Variants in TRERF1 observed in about 807,000 individuals in gnomAD.
TRERF1 encodes transcriptional regulating factor 1.
TRERF1 carries 27 observed loss-of-function variants against 122.9 expected under a neutral mutation model. The ratio of observed to expected loss-of-function variants is 0.22; its 90% CI spans 0.16 to 0.30. The LOEUF is 0.30. Ranked by LOEUF, TRERF1 falls within the 10% of genes least tolerant of loss-of-function variation. TRERF1 has a pLI of 1.00. For synonymous variants in TRERF1, 636 were observed against 641.7 expected (o/e 0.99, Z 0.13); for missense variants, 1,248 against 1,560.3 (o/e 0.80, Z 3.37).
Position 42,450,802 on chromosome 6 carries a change from G to A in TRERF1, c.-454+375C>T, listed in dbSNP as rs184218498. ...GGAGTACCCAGCCCCCACAGAGCCCGCAGGCGCGTATACATACACATATGT... is the reference window on the plus strand; with the variant it reads ...GGAGTACCCAGCCCCCACAGAGCCCACAGGCGCGTATACATACACATATGT... On this transcript the variant is annotated intron_variant, in intron 2 of 17. Transcript: ENST00000372922. 6.3e-3 allele frequency among the ~76,000 whole-genome samples: 957 copies of A among 152,314 alleles called. 8 individuals are homozygous for A. Among genetic ancestry groups the A allele is most frequent in the Middle Eastern group, 0.014 (4 of 292 alleles).
At position 42,283,178 on chromosome 6, in the gene TRERF1, C is replaced by T. The variant is rs539496893; in HGVS notation, c.-258-13330G>A. ...CCATACTAAATACACCAAAAAAGCA[C>T]ACTTGTGTCCAGCAGGAGAGCTGAA... is the stretch of plus-strand genomic sequence containing the variant. On this transcript the variant is annotated intron_variant, in intron 4 of 17. Coordinates refer to ENST00000372922, the Ensembl canonical transcript of TRERF1. 2.8e-3 allele frequency among the ~76,000 whole-genome samples: 422 copies of T among 152,254 alleles called. 2 individuals carry two copies. Among genetic ancestry groups the T allele is most frequent in the African/African-American group, 9.7e-3 (405 of 41,546 alleles).
At chr6:42,233,346 T>A (rs1181111403) in intron 16 of TRERF1, among the ~76,000 whole-genome samples, 1 of 147,742 alleles carries the variant, frequency 6.8e-6, no homozygotes, top group Non-Finnish European at 1.5e-5. Context: ...AGTGTGGTGG[T>A]GCGGTCTCAG....
chr6:42,433,044 T>G (rs1396021957), intron 2 of TRERF1, among the ~76,000 whole-genome samples: 1 of 152,106 alleles, frequency 6.6e-6, no homozygotes, highest in Non-Finnish European at 1.5e-5. Context: ...AATAACATTT[T>G]GAAGGTGTGG....
Position 42,263,622 on chromosome 6 carries a change from G to A in TRERF1, c.1636-54C>T. 1 of 1,422,924 alleles carries A rather than the reference G, an allele frequency of 7.0e-7. No homozygotes were observed. Among genetic ancestry groups the A allele is most frequent in the Non-Finnish European group, 9.2e-7 (1 of 1,082,290 alleles). 88.1% of individuals were successfully genotyped at this position (1,422,924 alleles called of 1,614,324 possible). ...GGGCTGAGAGCAGCTCTCACAAGGG[G>A]GATGCACTTTGCTTTTCCCGAAAGG... On this transcript the variant is annotated intron_variant, in intron 7 of 17. Transcript: ENST00000372922. This position sits in a 1 kb window ranked among gnomAD's most constrained non-coding sequence, Gnocchi z 5.6.
At position 42,263,191 on chromosome 6, in the gene TRERF1, G is replaced by A. The variant is rs1778541467; in HGVS notation, c.1884+129C>T. On this transcript the variant is annotated intron_variant, in intron 8 of 17. Transcript: ENST00000372922. The surrounding 1 kb of genome is among the most constrained non-coding windows in gnomAD (Gnocchi z 5.6). ...AAGCTCAGGTCAGTGACTCTGGAAG[G>A]GCCGCCCCATCTCCAAGAAAGCAAA... 6.9e-7 allele frequency: 1 copy of A among 1,452,020 alleles called. No homozygotes were observed. Among genetic ancestry groups the A allele is most frequent in the Admixed American group, 2.4e-5 (1 of 41,336 alleles). 89.9% of individuals were successfully genotyped at this position (1,452,020 alleles called of 1,614,324 possible). A position where few individuals can be genotyped will look rare whatever the true frequency, so the allele number is the denominator to read the frequency against.
At chr6:42,389,417 G>A (rs1035969868) in intron 2 of TRERF1, among the ~76,000 whole-genome samples, 10 of 152,240 alleles carry the variant, frequency 6.6e-5, no homozygotes, top group Non-Finnish European at 1.0e-4. Flanking sequence ...GACGCAGGCT[G>A]TGACAAGAGT....
intron 2 of TRERF1, among the ~76,000 whole-genome samples, chr6:42,397,875 G>A (rs1234085800): frequency 6.6e-6 from 1 of 152,214 alleles, no homozygotes. Context: ...TGGCACTGTG[G>A]AGGGGTCCTC....
intron 2 of TRERF1, among the ~76,000 whole-genome samples, chr6:42,371,618 T>C (rs9471847): frequency 0.12 from 18,386 of 152,034 alleles, 1,880 homozygotes; most frequent in African/African-American, 0.28. Flanking sequence ...TTAAAGAACT[T>C]TGAGACTTCA....
At chr6:42,231,047 T>C (rs1391380981) in intron 17 of TRERF1, among the ~76,000 whole-genome samples, 1 of 152,210 alleles carries the variant, frequency 6.6e-6, no homozygotes, top group Admixed American at 6.5e-5. Flanking sequence ...GTTGAATGTG[T>C]CCCCCAAACA....
intron 2 of TRERF1, among the ~76,000 whole-genome samples, chr6:42,367,571 C>G (rs138333798): frequency 2.6e-5 from 4 of 152,158 alleles, no homozygotes; most frequent in Non-Finnish European, 5.9e-5. Flanking sequence ...ACACTCCCAC[C>G]GCACCAAGAT....
chr6:42,442,692 G>A (rs1223264746), intron 2 of TRERF1, among the ~76,000 whole-genome samples: 3 of 152,230 alleles, frequency 2.0e-5, no homozygotes, highest in Non-Finnish European at 4.4e-5. Context: ...TAAATCATCT[G>A]AGTATTTCCA....
At chr6:42,397,548 C>A (rs536839650) in intron 2 of TRERF1, among the ~76,000 whole-genome samples, 58 of 152,330 alleles carry the variant, frequency 3.8e-4, no homozygotes, top group Non-Finnish European at 5.4e-4. Context: ...ATGCCCAATG[C>A]CTTTGCCCCA....
At chr6:42,257,203 T>C (rs758004467) in intron 10 of TRERF1, 101 bp from the exon 11 acceptor site, 122 of 1,414,612 alleles carry the variant, frequency 8.6e-5, no homozygotes, top group Non-Finnish European at 8.5e-5. Context: ...ACTAGTTCTT[T>C]CTGCAAGAAT....
chr6:42,313,864 C>T (rs1316401456), intron 3 of TRERF1, among the ~76,000 whole-genome samples: 1 of 152,170 alleles, frequency 6.6e-6, no homozygotes, highest in East Asian at 1.9e-4. Context: ...TGCAGACTCA[C>T]TTCTACGTTG....
intron 4 of TRERF1, among the ~76,000 whole-genome samples, chr6:42,273,287 C>A (rs1780580620): frequency 6.6e-6 from 1 of 152,052 alleles, no homozygotes; most frequent in Non-Finnish European, 1.5e-5. Flanking sequence ...TCTATTTTTA[C>A]CTAGGAGTCT....
chr6:42,437,617 G>T (rs1465360914), intron 2 of TRERF1, among the ~76,000 whole-genome samples: 1 of 152,144 alleles, frequency 6.6e-6, no homozygotes, highest in East Asian at 1.9e-4. Flanking sequence ...TCATATTTTT[G>T]AAGGAAACTC....
Position 42,232,543 on chromosome 6 carries a change from C to T in TRERF1, c.3278+138G>A, listed in dbSNP as rs550237483. On this transcript the variant is annotated intron_variant, in intron 17 of 17. Coordinates refer to ENST00000372922, the Ensembl canonical transcript of TRERF1. This position sits in a 1 kb window ranked among gnomAD's most constrained non-coding sequence, Gnocchi z 4.5. ...CTGCAACAGGACTACATACCCATCCCAAAGATGACACGAAGAAGAGTTTTG... is the reference window on the plus strand; with the variant it reads ...CTGCAACAGGACTACATACCCATCCTAAAGATGACACGAAGAAGAGTTTTG... 14 of 1,163,516 alleles carry T rather than the reference C, an allele frequency of 1.2e-5. No individual in the cohort carries two copies. The South Asian group carries it at 2.2e-4, about 19-fold the overall frequency. The allele number at this position is 1,163,516 out of a possible 1,614,324, so 72.1% of individuals were successfully genotyped here. A position where few individuals can be genotyped will look rare whatever the true frequency, so the allele number is the denominator to read the frequency against.
chr6:42,378,359 G>C (rs916586196), intron 2 of TRERF1, among the ~76,000 whole-genome samples: 2 of 150,578 alleles, frequency 1.3e-5, no homozygotes, highest in East Asian at 3.9e-4. Flanking sequence ...TCTTGTGATT[G>C]CTTATAGGTT....
At chr6:42,427,910 G>A (rs1314083955) in intron 2 of TRERF1, among the ~76,000 whole-genome samples, 1 of 152,132 alleles carries the variant, frequency 6.6e-6, no homozygotes, top group Admixed American at 6.5e-5. Context: ...TAGGAGGTAT[G>A]TATACCTTGA....
Sources: allele counts gnomAD v4.1 joint callset (sites outside exome capture counted in the v4.1 genomes callset), GRCh38; gene constraint gnomAD v4.1.1; non-coding constraint Gnocchi (gnomAD v3.1); transcripts MANE v1.5; gene names NCBI Gene and HGNC (gene_info 2026-07-23, HGNC 2026-07-21).